PLEKHA5: variants seen among roughly 807,000 people sequenced by gnomAD.
The protein encoded by PLEKHA5 is pleckstrin homology domain containing A5, also known as pleckstrin homology domain-containing family A member 5.
Under a neutral mutation model 181.9 loss-of-function variants are expected in PLEKHA5, and 55 were observed. The observed-to-expected ratio is 0.30, with a 90% CI of 0.24 to 0.38. The LOEUF (loss-of-function observed/expected upper bound fraction) is 0.38. Ranked by LOEUF, PLEKHA5 falls within the 10% of genes least tolerant of loss-of-function variation. PLEKHA5 has a pLI of 1.00. For synonymous variants in PLEKHA5, 535 were observed against 529.4 expected (o/e 1.01, Z -0.15); for missense variants, 1,432 against 1,549.5 (o/e 0.92, Z 1.27).
chr12:19,141,959 A>G (rs1199236294), intron 3 of PLEKHA5, among the ~76,000 whole-genome samples: 1 of 152,126 alleles, frequency 6.6e-6, no homozygotes, highest in Non-Finnish European at 1.5e-5. Flanking sequence ...CTTCCAAATA[A>G]CTTGGATTAT....
intron 3 of PLEKHA5, among the ~76,000 whole-genome samples, chr12:19,194,711 A>G (rs895342910): frequency 6.6e-6 from 1 of 152,210 alleles, no homozygotes; most frequent in Non-Finnish European, 1.5e-5. Context: ...ATTTCTGCAT[A>G]AGAGGCACAG....
At chr12:19,137,159 A>C (rs1302194622) in intron 3 of PLEKHA5, among the ~76,000 whole-genome samples, 1 of 151,930 alleles carries the variant, frequency 6.6e-6, no homozygotes, top group Non-Finnish European at 1.5e-5. Flanking sequence ...CAGTCTCCCA[A>C]GTAGTTGAGA....
chr12:19,255,242 A>G, intron 5 of PLEKHA5, 77 bp downstream of exon 5: 2 of 827,100 alleles, frequency 2.4e-6, no homozygotes, highest in Non-Finnish European at 3.4e-6. Flanking sequence ...TGGACTTAAA[A>G]GTATAGAATA....
rs1292855498 is a variant in PLEKHA5, at chr12:19,211,464, A to T, written c.228-42476A>T. Among the ~76,000 whole-genome samples, 3 of 152,092 alleles carry T rather than the reference A, an allele frequency of 2.0e-5. No homozygotes were observed. The East Asian group carries it at 5.8e-4, about 29-fold the overall frequency. ...CCTGAGGCAGAGATGGAGTGATGGG[A>T]CCACAAGCCAAGGCATGCAGAAGCT... On this transcript the variant is annotated intron_variant, in intron 3 of 31. Transcript: ENST00000429027.
intron 15 of PLEKHA5, among the ~76,000 whole-genome samples, chr12:19,299,396 A>G (rs558578154): frequency 2.0e-5 from 3 of 152,338 alleles, no homozygotes; most frequent in East Asian, 3.9e-4. Flanking sequence ...ATCCCTCATT[A>G]CCATTTAGTC....
chr12:19,319,606 A>G (rs1423376650), intron 16 of PLEKHA5: 1 of 172,208 alleles, frequency 5.8e-6, no homozygotes, highest in Non-Finnish European at 1.2e-5. Flanking sequence ...TGTGCCATTT[A>G]GTAAACATGC....
chr12:19,329,261 G>A (rs1174308247), intron 20 of PLEKHA5, among the ~76,000 whole-genome samples: 1 of 152,042 alleles, frequency 6.6e-6, no homozygotes, highest in Non-Finnish European at 1.5e-5. Flanking sequence ...GAGGATTTTT[G>A]CATCTATGTT....
intron 20 of PLEKHA5, among the ~76,000 whole-genome samples, chr12:19,335,975 C>T (rs954264908): frequency 1.3e-5 from 2 of 152,092 alleles, no homozygotes; most frequent in East Asian, 3.9e-4. Flanking sequence ...CTATATTCAA[C>T]AAATGACAAG....
chr12:19,193,522 A>G (rs1379936337), intron 3 of PLEKHA5, among the ~76,000 whole-genome samples: 1 of 152,112 alleles, frequency 6.6e-6, no homozygotes, highest in Non-Finnish European at 1.5e-5. Context: ...ATCATAGGGT[A>G]CAAGTGCAGT....
intron 3 of PLEKHA5, among the ~76,000 whole-genome samples, chr12:19,206,356 A>G (rs1174732154): frequency 2.0e-5 from 3 of 152,158 alleles, no homozygotes; most frequent in Admixed American, 6.5e-5. Context: ...TATTTATAAT[A>G]GGTGAACTTG....
Position 19,345,607 on chromosome 12 carries a change from T to TA in PLEKHA5, c.2663-227dup, listed in dbSNP as rs199932073. Among the ~76,000 whole-genome samples, 1,440 of 150,736 alleles carry TA rather than the reference T, an allele frequency of 9.6e-3. 23 individuals are homozygous for TA. Among genetic ancestry groups the TA allele is most frequent in the African/African-American group, 0.033 (1,375 of 41,102 alleles). ...GGTGAAACCCCATCTCTACTAAAAA[T>TA]AAAAAAAATCAGTTGGGCGTGGTGG... On this transcript the variant is annotated intron_variant, in intron 22 of 31. Transcript: ENST00000429027.
intron 26 of PLEKHA5, among the ~76,000 whole-genome samples, chr12:19,356,764 G>T (rs964230081): frequency 7.2e-5 from 10 of 138,992 alleles, no homozygotes; most frequent in African/African-American, 2.4e-4. Flanking sequence ...GGGTTCAAAT[G>T]ATTCTCCTGC....
At chr12:19,353,488 T>A (rs1227163514) in intron 25 of PLEKHA5, among the ~76,000 whole-genome samples, 2 of 150,816 alleles carry the variant, frequency 1.3e-5, no homozygotes, top group Non-Finnish European at 3.0e-5. Flanking sequence ...TAGACAGAGT[T>A]TCGTTCTTTG....
At chr12:19,251,385 CA>C (rs989546379) in intron 3 of PLEKHA5, among the ~76,000 whole-genome samples, 4 of 131,542 alleles carry the variant, frequency 3.0e-5, no homozygotes, top group African/African-American at 1.2e-4. Context: ...GCAGCCTGGG[CA>C]ACAGAGCAAA....
chr12:19,309,112 A>G (rs2085372630), intron 15 of PLEKHA5, among the ~76,000 whole-genome samples: 1 of 152,106 alleles, frequency 6.6e-6, no homozygotes, highest in South Asian at 2.1e-4. Context: ...TAAGCCTTGT[A>G]GCAAAATTTT....
chr12:19,136,531 T>A (rs1409368437), intron 3 of PLEKHA5, among the ~76,000 whole-genome samples: 1 of 152,184 alleles, frequency 6.6e-6, no homozygotes, highest in Non-Finnish European at 1.5e-5. Context: ...AAAATATTGC[T>A]TAATGATTCT....
At chr12:19,246,123 C>T (rs1404669346) in intron 3 of PLEKHA5, among the ~76,000 whole-genome samples, 1 of 151,118 alleles carries the variant, frequency 6.6e-6, no homozygotes, top group Non-Finnish European at 1.5e-5. Flanking sequence ...GGACTACAGG[C>T]GCCCGCCACC....
At position 19,187,087 on chromosome 12, in the gene PLEKHA5, T is replaced by C. The variant is rs1460954019; in HGVS notation, c.227+54637T>C. Among the ~76,000 whole-genome samples, 11 of 152,216 alleles carry C rather than the reference T, an allele frequency of 7.2e-5. 1 individual carries two copies. The highest frequency in any genetic ancestry group is 7.2e-4 in the Admixed American group (11 of 15,286). On this transcript the variant is annotated intron_variant, in intron 3 of 31. Transcript: ENST00000429027. ...TATATGAATGTCTTTATCAGTACTC[T>C]AAAGTGCCTTGTCTAGTAGCATTCT...
At chr12:19,303,905 C>T (rs1346177436) in intron 15 of PLEKHA5, 1 of 150,204 alleles carries the variant, frequency 6.7e-6, no homozygotes, top group African/African-American at 2.4e-5. Context: ...AGCCTCAACC[C>T]CCTAGGCTGA....
Sources: allele counts gnomAD v4.1 joint callset (sites outside exome capture counted in the v4.1 genomes callset), GRCh38; gene constraint gnomAD v4.1.1; transcripts MANE v1.5; gene names NCBI Gene and HGNC (gene_info 2026-07-23, HGNC 2026-07-21).